EGFLAM: variants seen among roughly 807,000 people sequenced by gnomAD.
EGFLAM encodes pikachurin.
In EGFLAM, 79 loss-of-function variants were observed where a neutral mutation model predicts 113.1. The ratio of observed to expected loss-of-function variants is 0.70; its 90% CI spans 0.58 to 0.84. EGFLAM has a LOEUF of 0.84. EGFLAM is among the 40% of genes least tolerant of loss of function. The pLI is 0.00. For synonymous variants in EGFLAM, 504 were observed against 487.6 expected (o/e 1.03, Z -0.44); for missense variants, 1,265 against 1,291.6 (o/e 0.98, Z 0.32).
chr5:38,444,518 A>T (rs916304714), intron 17 of EGFLAM, among the ~76,000 whole-genome samples: 1 of 152,224 alleles, frequency 6.6e-6, no homozygotes, highest in African/African-American at 2.4e-5. Flanking sequence ...TATGCTAATT[A>T]CCCTGATCTG....
At chr5:38,432,195 T>C (rs185903501) in intron 15 of EGFLAM, among the ~76,000 whole-genome samples, 133 of 152,186 alleles carry the variant, frequency 8.7e-4, no homozygotes, top group African/African-American at 3.1e-3. Flanking sequence ...TAAAGGAAGA[T>C]TTGCAAAGGA....
At chr5:38,306,185 A>G (rs114318481) in intron 1 of EGFLAM, among the ~76,000 whole-genome samples, 2,174 of 152,364 alleles carry the variant, frequency 0.014, 44 homozygotes, top group African/African-American at 0.048. Flanking sequence ...TTCCTTGATT[A>G]TAAAAGTGGA....
intron 6 of EGFLAM, among the ~76,000 whole-genome samples, chr5:38,379,299 A>AG (rs1321854124): frequency 1.3e-5 from 2 of 152,178 alleles, no homozygotes; most frequent in Non-Finnish European, 2.9e-5. Flanking sequence ...GTATATGCAC[A>AG]GGGGGCATCC....
intron 5 of EGFLAM, among the ~76,000 whole-genome samples, chr5:38,369,203 G>T (rs1740143691): frequency 6.6e-6 from 1 of 152,176 alleles, no homozygotes; most frequent in African/African-American, 2.4e-5. Context: ...AGGGCAAGAA[G>T]AAAGAAATGA....
chr5:38,431,394 C>A, intron 15 of EGFLAM, 106 bp downstream of exon 15: 1 of 1,078,642 alleles, frequency 9.3e-7, no homozygotes, highest in Non-Finnish European at 1.3e-6. Flanking sequence ...ACTACATGGA[C>A]TTCAGTGCCT....
intron 6 of EGFLAM, among the ~76,000 whole-genome samples, chr5:38,382,015 G>A (rs550413006): frequency 9.2e-5 from 14 of 152,322 alleles, no homozygotes; most frequent in African/African-American, 2.6e-4. Context: ...AGGAGATGAC[G>A]TTAGAGAAAC....
At chr5:38,276,358 T>G (rs1757883748) in intron 1 of EGFLAM, among the ~76,000 whole-genome samples, 1 of 152,076 alleles carries the variant, frequency 6.6e-6, no homozygotes. Context: ...TCAGATAAAT[T>G]GAACTATTTC....
intron 6 of EGFLAM, among the ~76,000 whole-genome samples, chr5:38,370,901 G>A (rs905264927): frequency 6.6e-6 from 1 of 152,152 alleles, no homozygotes; most frequent in Admixed American, 6.5e-5. Context: ...CTGAATGATG[G>A]TCGAGGAGTA....
At chr5:38,363,035 T>C (rs1305479649) in intron 5 of EGFLAM, among the ~76,000 whole-genome samples, 2 of 152,136 alleles carry the variant, frequency 1.3e-5, no homozygotes, top group East Asian at 3.9e-4. Flanking sequence ...ATTGTATCCA[T>C]GTGTTTGTCA....
intron 1 of EGFLAM, among the ~76,000 whole-genome samples, chr5:38,310,536 C>T (rs1472224227): frequency 6.6e-6 from 1 of 152,118 alleles, no homozygotes; most frequent in Non-Finnish European, 1.5e-5. Context: ...TGTACAATTT[C>T]CTTTCTTCCC....
At chr5:38,275,220 T>C (rs1757858405) in intron 1 of EGFLAM, among the ~76,000 whole-genome samples, 1 of 152,178 alleles carries the variant, frequency 6.6e-6, no homozygotes, top group South Asian at 2.1e-4. Flanking sequence ...AATAAGTGTG[T>C]ACCTATCAAT....
chr5:38,296,782 G>A (rs1561267675), intron 1 of EGFLAM, among the ~76,000 whole-genome samples: 1 of 151,704 alleles, frequency 6.6e-6, no homozygotes, highest in Non-Finnish European at 1.5e-5. Flanking sequence ...CTTGCCAGTG[G>A]AGTGGGCAGA....
At chr5:38,312,649 C>CGT (rs1163340681) in intron 1 of EGFLAM, among the ~76,000 whole-genome samples, 1 of 152,200 alleles carries the variant, frequency 6.6e-6, no homozygotes, top group Non-Finnish European at 1.5e-5. Flanking sequence ...TGTTATTCTT[C>CGT]TGCCTTTGGT....
intron 11 of EGFLAM, among the ~76,000 whole-genome samples, chr5:38,417,498 A>G (rs1020023003): frequency 4.0e-5 from 6 of 151,860 alleles, no homozygotes; most frequent in Non-Finnish European, 8.8e-5. Flanking sequence ...ACCTCACTGT[A>G]AAAAAAAGAA....
At chr5:38,326,041 G>A (rs1204618434) in intron 1 of EGFLAM, among the ~76,000 whole-genome samples, 1 of 152,152 alleles carries the variant, frequency 6.6e-6, no homozygotes, top group Non-Finnish European at 1.5e-5. Flanking sequence ...TGTGGTGACA[G>A]GTGAGTGTGT....
At chr5:38,401,824 C>T (rs1164774448) in intron 6 of EGFLAM, 2 of 152,150 alleles carry the variant, frequency 1.3e-5, no homozygotes, top group Admixed American at 6.5e-5. Flanking sequence ...ATCTACATAC[C>T]ATCTTACACG....
At chr5:38,259,364 A>G (rs960756735) in intron 1 of EGFLAM, among the ~76,000 whole-genome samples, 3 of 152,198 alleles carry the variant, frequency 2.0e-5, no homozygotes, top group Admixed American at 6.5e-5. Flanking sequence ...CTCTGGGGCC[A>G]TTTGTTCAGA....
At chr5:38,457,571 G>T (rs1743130855) in intron 19 of EGFLAM, among the ~76,000 whole-genome samples, 1 of 152,106 alleles carries the variant, frequency 6.6e-6, no homozygotes, top group Non-Finnish European at 1.5e-5. Context: ...AGTTATATTG[G>T]ATCCATGGCT....
At chr5:38,368,726 C>G (rs1366283) in intron 5 of EGFLAM, among the ~76,000 whole-genome samples, 51,354 of 151,604 alleles carry the variant, frequency 0.34, 10,227 homozygotes, top group African/African-American at 0.56. Flanking sequence ...CGTCACTCCC[C>G]CTTTTCATCC....
Sources: allele counts gnomAD v4.1 joint callset (sites outside exome capture counted in the v4.1 genomes callset), GRCh38; gene constraint gnomAD v4.1.1; transcripts MANE v1.5; gene names NCBI Gene and HGNC (gene_info 2026-07-23, HGNC 2026-07-21).